Variants in ZNF331 observed in about 807,000 individuals in gnomAD.
ZNF331 encodes the protein zinc finger protein 331.
Under a neutral mutation model 7.0 loss-of-function variants are expected in ZNF331, and 2 were observed. The observed-to-expected ratio is 0.29, with a 90% CI of 0.12 to 0.90. The LOEUF is 0.90. ZNF331 is among the 40% of genes least tolerant of loss of function. ZNF331 has a pLI of 0.58. For missense variants in ZNF331, 432 were observed against 587.7 expected (o/e 0.74, Z 2.74); for synonymous variants, 196 against 205.4 (o/e 0.95, Z 0.39).
intron 3 of ZNF331, among the ~76,000 whole-genome samples, chr19:53,556,315 T>C (rs2089425690): frequency 6.6e-6 from 1 of 151,340 alleles, no homozygotes; most frequent in South Asian, 2.1e-4. Context: ...AGATGACGAC[T>C]GATTATTCAG....
intron 2 of ZNF331, among the ~76,000 whole-genome samples, chr19:53,533,106 T>C (rs372552660): frequency 1.3e-5 from 2 of 152,070 alleles, no homozygotes; most frequent in African/African-American, 4.8e-5. Context: ...TTAAGGTCTT[T>C]CTCCTTTCTT....
chr19:53,547,383 G>T (rs1372454546), intron 2 of ZNF331, among the ~76,000 whole-genome samples: 1 of 152,142 alleles, frequency 6.6e-6, no homozygotes, highest in Non-Finnish European at 1.5e-5. Flanking sequence ...ATAAAGGCTG[G>T]ATGGCATTGC....
rs1481381423 is a variant in ZNF331 at position 53,567,219 on chromosome 19, G to C, written c.-73-2085G>C. Among the ~76,000 whole-genome samples, 13 of 152,014 alleles carry C rather than the reference G, an allele frequency of 8.6e-5. No homozygotes were observed. The East Asian group carries it at 2.3e-3, about 27-fold the overall frequency. Reference sequence around the variant, plus strand: ...AAAAGTGCTCTCAGATGTCACCTCTGGTATACAAAAAAAACAGTTCTGTAT... The same window carrying C: ...AAAAGTGCTCTCAGATGTCACCTCTCGTATACAAAAAAAACAGTTCTGTAT... On this transcript the variant is annotated intron_variant, in intron 3 of 5. Transcript: ENST00000449416.
chr19:53,564,873 T>C (rs1219541902), intron 3 of ZNF331, among the ~76,000 whole-genome samples: 3 of 152,224 alleles, frequency 2.0e-5, no homozygotes, highest in Non-Finnish European at 4.4e-5. Flanking sequence ...AAGACCACTG[T>C]CTAGTATTTC....
At chr19:53,512,996 A>T in the ZNF331 span, among the ~76,000 whole-genome samples, 2 of 151,784 alleles carry the variant, frequency 1.3e-5, no homozygotes, top group Non-Finnish European at 2.9e-5. Flanking sequence ...GTTGAGAAGC[A>T]TCAGAATCGT....
chr19:53,505,657 T>C, the ZNF331 span, among the ~76,000 whole-genome samples: 33 of 152,166 alleles, frequency 2.2e-4, no homozygotes, highest in African/African-American at 7.7e-4. Context: ...CTTCTGGCCC[T>C]GAATAGTCAC....
rs1006667616 is a variant in ZNF331, at chr19:53,576,824, G to A, written c.264G>A (p.Thr88=). Residue 88 remains threonine, a synonymous_variant, in exon 6 of 6, where the codon ACG becomes ACA. Transcript: ENST00000449416. ...SLGRNWICEG[T]LERPQRSRGR... ...GCCGTAACTGGATATGTGAAGGTAC[G>A]CTTGAAAGACCACAGCGCTCCAGAG... The A allele has an allele frequency of 5.0e-6, 8 of 1,614,008 alleles. No homozygotes were observed. The highest frequency in any genetic ancestry group is 1.1e-5 in the South Asian group (1 of 91,086).
rs201627359 is a variant in ZNF331 at position 53,571,472 on chromosome 19, C to T, written c.10-132C>T. ...GTCACAGTTACAGTGATGTCCTTAC[C>T]GCCCCTTGCCGATGTCACGGGTGTT... On this transcript the variant is annotated intron_variant, in intron 4 of 5. Coordinates refer to ENST00000449416, the MANE Select transcript of ZNF331 (RefSeq NM_001079906.2). The surrounding 1 kb of genome is among the most constrained non-coding windows in gnomAD (Gnocchi z 4.7). The T allele has an allele frequency of 5.4e-6, 6 of 1,111,086 alleles. No individual in the cohort carries two copies. The highest frequency in any genetic ancestry group is 3.0e-5 in the South Asian group (2 of 66,116). The allele number at this position is 1,111,086 out of a possible 1,614,324, so 68.8% of individuals were successfully genotyped here. A position where few individuals can be genotyped will look rare whatever the true frequency, so the allele number is the denominator to read the frequency against.
At position 53,571,506 on chromosome 19, in the gene ZNF331, T is replaced by C; in HGVS notation, c.10-98T>C. The C allele has an allele frequency of 6.7e-7, 1 of 1,501,442 alleles. No homozygotes were observed. The highest frequency in any genetic ancestry group is 9.1e-7 in the Non-Finnish European group (1 of 1,104,766). 93.0% of individuals were successfully genotyped at this position (1,501,442 alleles called of 1,614,324 possible). On this transcript the variant is annotated intron_variant, in intron 4 of 5. Coordinates refer to ENST00000449416, the MANE Select transcript of ZNF331 (RefSeq NM_001079906.2). The surrounding 1 kb of genome is among the most constrained non-coding windows in gnomAD (Gnocchi z 4.7). Reference sequence around the variant, plus strand: ...CCGATGTCACGGGTGTTCAGTCTGCTCACGGTGTTCACCCTACCCAGAGGG... The same window carrying C: ...CCGATGTCACGGGTGTTCAGTCTGCCCACGGTGTTCACCCTACCCAGAGGG...
intron 2 of ZNF331, among the ~76,000 whole-genome samples, chr19:53,552,967 TGAAAGTTATAGAAATTAA>T (rs1176463241): frequency 3.9e-5 from 6 of 152,176 alleles, no homozygotes; most frequent in African/African-American, 1.4e-4. Flanking sequence ...ATTCACATTC[TGAAAGTTATAGAAATTAA>T]GAACATAGAG....
At chr19:53,567,092 C>G (rs529947248) in intron 3 of ZNF331, among the ~76,000 whole-genome samples, 1 of 152,190 alleles carries the variant, frequency 6.6e-6, no homozygotes, top group Non-Finnish European at 1.5e-5. Context: ...TCTGAAATAT[C>G]TCTCATGTCT....
rs768744937 is a variant in ZNF331 at position 53,571,748 on chromosome 19, G to A, written c.136+18G>A. 1.3e-6 allele frequency: 2 copies of A among 1,594,942 alleles called. No homozygotes were observed. The highest frequency in any genetic ancestry group is 1.1e-5 in the South Asian group (1 of 88,548). On this transcript the variant is annotated intron_variant, in intron 5 of 5. Transcript: ENST00000449416. This position sits in a 1 kb window ranked among gnomAD's most constrained non-coding sequence, Gnocchi z 4.7. ...CTCACTGGGTGAGTTGCACGCCTCA[G>A]ATAACTTAGACTGCCTCCTGGAATA...
In ZNF331 at chr19:53,539,560, G is replaced by C. The variant is rs987653674; in HGVS notation, c.-138+278G>C. 2.6e-5 allele frequency: 4 copies of C among 152,164 alleles called. No individual in the cohort carries two copies. Among genetic ancestry groups the C allele is most frequent in the African/African-American group, 9.7e-5 (4 of 41,426 alleles). The allele number at this position is 152,164 out of a possible 1,614,324, so 9.4% of individuals were successfully genotyped here. ...GTACATATGAAGGTAACTGGGATGG[G>C]TGTTTGCAGGTTCACAAAATGAACC... is the stretch of plus-strand genomic sequence containing the variant. On this transcript the variant is annotated intron_variant, in intron 2 of 5. Transcript: ENST00000449416. This position sits in a 1 kb window ranked among gnomAD's most constrained non-coding sequence, Gnocchi z 6.1.
intron 2 of ZNF331, among the ~76,000 whole-genome samples, chr19:53,554,171 A>C (rs533109014): frequency 6.6e-5 from 10 of 152,164 alleles, no homozygotes; most frequent in Non-Finnish European, 1.3e-4. Flanking sequence ...CGCGCCAAGC[A>C]TGGGGGTAGG....
chr19:53,526,554 T>G (rs553318296), intron 2 of ZNF331, among the ~76,000 whole-genome samples: 1 of 151,958 alleles, frequency 6.6e-6, no homozygotes, highest in East Asian at 2.0e-4. Context: ...GTAGAAATTT[T>G]TTTTTTCTTT....
chr19:53,529,031 C>T (rs2087421742), intron 2 of ZNF331, among the ~76,000 whole-genome samples: 1 of 152,140 alleles, frequency 6.6e-6, no homozygotes, highest in Admixed American at 6.5e-5. Context: ...AGGTGATCCG[C>T]CCACCTTGGC....
chr19:53,576,006 C>T (rs2090704992), intron 5 of ZNF331, among the ~76,000 whole-genome samples: 1 of 149,788 alleles, frequency 6.7e-6, no homozygotes. Flanking sequence ...TGTTTTGAGA[C>T]AGAGTTTCAT....
intron 5 of ZNF331, among the ~76,000 whole-genome samples, chr19:53,572,770 A>G (rs1039418301): frequency 4.6e-5 from 7 of 151,864 alleles, no homozygotes; most frequent in Admixed American, 4.6e-4. Flanking sequence ...ATCATTGTCT[A>G]TTTTGGAGAT....
At chr19:53,531,252 CT>C (rs1179380551) in intron 2 of ZNF331, among the ~76,000 whole-genome samples, 8 of 152,180 alleles carry the variant, frequency 5.3e-5, no homozygotes, top group Non-Finnish European at 1.2e-4. Context: ...GGACTATTTA[CT>C]TTCCTTGCCC....
Sources: gnomAD v4.1 joint callset for allele counts (sites outside exome capture counted in the v4.1 genomes callset) on GRCh38, gnomAD v4.1.1 for gene constraint, Gnocchi (gnomAD v3.1) non-coding constraint, MANE v1.5 for transcripts, NCBI Gene and HGNC (gene_info 2026-07-23, HGNC 2026-07-21) for gene names.